Variants in DLST observed in about 807,000 individuals in gnomAD.
DLST encodes the protein dihydrolipoamide S-succinyltransferase, also known as dihydrolipoyllysine-residue succinyltransferase component of 2-oxoglutarate dehydrogenase complex, mitochondrial.
DLST carries 17 observed loss-of-function variants against 53.1 expected under a neutral mutation model. The ratio of observed to expected loss-of-function variants is 0.32; its 90% CI spans 0.22 to 0.48. The LOEUF (loss-of-function observed/expected upper bound fraction) is 0.48, where lower values mean the gene tolerates loss of function less well. Among genes scored for constraint, DLST ranks in the 20% least tolerant of loss-of-function variants. The pLI, the probability that DLST is intolerant of heterozygous loss-of-function variation, is 0.99. For synonymous variants in DLST, 206 were observed against 204.8 expected (o/e 1.01, Z -0.05); for missense variants, 512 against 583.9 (o/e 0.88, Z 1.27).
At chr14:74,900,847 C>T (rs528448945) in intron 13 of DLST, among the ~76,000 whole-genome samples, 1 of 152,274 alleles carries the variant, frequency 6.6e-6, no homozygotes, top group South Asian at 2.1e-4. Flanking sequence ...GCCTCAGCCT[C>T]CCAAGTAGCT....
intron 10 of DLST, among the ~76,000 whole-genome samples, chr14:74,895,861 A>T (rs1316749134): frequency 1.3e-5 from 2 of 152,076 alleles, no homozygotes; most frequent in African/African-American, 4.8e-5. Context: ...GCGCCACTGC[A>T]CTCCAGCCTG....
chr14:74,898,897 T>TTGAGGTCGACCTTTG (rs1298002611), intron 11 of DLST, among the ~76,000 whole-genome samples: 2 of 152,240 alleles, frequency 1.3e-5, no homozygotes, highest in African/African-American at 4.8e-5. Context: ...CCTTTGATCT[T>TTGAGGTCGACCTTTG]AGGTCGATGG....
chr14:74,885,553 G>A, intron 2 of DLST, 33 bp from the exon 3 acceptor site: 1 of 1,611,902 alleles, frequency 6.2e-7, no homozygotes, highest in Non-Finnish European at 8.5e-7. Flanking sequence ...TGAGATAAGA[G>A]TTGTTGGTTA....
At chr14:74,891,383 T>G in intron 7 of DLST, 1 of 1,264,902 alleles carries the variant, frequency 7.9e-7, no homozygotes, top group Middle Eastern at 3.1e-4. Context: ...TATACTCTGT[T>G]CTTTCCATGG....
chr14:74,888,986 C>G (rs1174714953), intron 3 of DLST, 109 bp from the exon 4 acceptor site: 1 of 1,099,534 alleles, frequency 9.1e-7, no homozygotes, highest in Non-Finnish European at 1.4e-6. Flanking sequence ...GATGGACACC[C>G]CTGGTCAAGA....
intron 9 of DLST, among the ~76,000 whole-genome samples, 176 bp from the exon 10 acceptor site, chr14:74,894,136 G>A (rs537372319): frequency 5.3e-5 from 8 of 152,174 alleles, no homozygotes; most frequent in Non-Finnish European, 1.2e-4. Flanking sequence ...GTGTTTGCAT[G>A]TTTTTGCTTG....
At chr14:74,891,581 C>A in intron 7 of DLST, 1 of 990,792 alleles carries the variant, frequency 1.0e-6, no homozygotes, top group Non-Finnish European at 1.2e-6. Context: ...ATGGGGAATT[C>A]AGTGTTGTTT....
At chr14:74,897,605 C>G (rs773837404) in intron 10 of DLST, among the ~76,000 whole-genome samples, 1 of 152,184 alleles carries the variant, frequency 6.6e-6, no homozygotes, top group African/African-American at 2.4e-5. Context: ...TTTCTAAATA[C>G]CAAGGAAATC....
chr14:74,882,104 C>A, intron 1 of DLST, 88 bp downstream of exon 1: 1 of 1,245,678 alleles, frequency 8.0e-7, no homozygotes, highest in South Asian at 2.0e-5. Context: ...CGCGGCGCGC[C>A]GGCCGGGCCG....
At chr14:74,897,822 T>C (rs1231035824) in intron 10 of DLST, among the ~76,000 whole-genome samples, 1 of 152,068 alleles carries the variant, frequency 6.6e-6, no homozygotes, top group South Asian at 2.1e-4. Flanking sequence ...CCCTGCAGAG[T>C]CATGACTGCT....
chr14:74,881,972 T>C lies in DLST; in HGVS notation c.19T>C (p.Cys7Arg). The C allele has an allele frequency of 2.5e-6, 4 of 1,571,168 alleles. No individual in the cohort carries two copies. Among genetic ancestry groups the C allele is most frequent in the Non-Finnish European group, 3.4e-6 (4 of 1,166,426 alleles). Residue 7 changes from cysteine (C) to arginine (R), a missense_variant, in exon 1 of 15, where the codon TGT (cysteine) becomes CGT (arginine). Transcript: ENST00000334220. ...CGCCGTGATGCTGTCCCGATCCCGC[T>C]GTGTGTCTCGGGCGTTCAGCCGCTC... MLSRSR[C>R]VSRAFSRSLS...
At position 74,882,582 on chromosome 14, in the gene DLST, T is replaced by C; in HGVS notation, c.64-9T>C. The C allele has an allele frequency of 6.2e-7, 1 of 1,613,848 alleles. No individual in the cohort carries two copies. Among genetic ancestry groups the C allele is most frequent in the Middle Eastern group, 1.7e-4 (1 of 5,934 alleles). On this transcript the variant is annotated splice_polypyrimidine_tract_variant and intron_variant, in intron 1 of 14. Coordinates refer to ENST00000334220, the MANE Select transcript of DLST (RefSeq NM_001933.5). ...TGGGTGACGTCGATAATGTCTTCTT[T>C]CTCAACAGGGGAACTGCCCTCTAGG...
intron 10 of DLST, among the ~76,000 whole-genome samples, chr14:74,895,460 T>G (rs1884047112): frequency 6.6e-6 from 1 of 152,200 alleles, no homozygotes; most frequent in Non-Finnish European, 1.5e-5. Context: ...ACTGTGGAAT[T>G]CAGTGGGGAT....
intron 9 of DLST, 21 bp from the exon 10 acceptor site, chr14:74,894,291 T>G (rs747570321): frequency 6.2e-7 from 1 of 1,613,596 alleles, no homozygotes; most frequent in South Asian, 1.1e-5. Flanking sequence ...TTGTCAATGC[T>G]TGTTCCACTC....
chr14:74,882,929 G>A (rs1883578751), intron 2 of DLST, among the ~76,000 whole-genome samples: 1 of 152,198 alleles, frequency 6.6e-6, no homozygotes, highest in South Asian at 2.1e-4. Context: ...AGCCAACAAA[G>A]GCAAATTTTT....
chr14:74,888,274 G>GT (rs55729619), intron 3 of DLST, among the ~76,000 whole-genome samples: 3,939 of 131,684 alleles, frequency 0.03, 158 homozygotes, highest in African/African-American at 0.088. Context: ...TTGTTTTTGG[G>GT]TTTTTTTTTT....
chr14:74,899,788 A>G, intron 11 of DLST, 135 bp from the exon 12 acceptor site: 2 of 642,720 alleles, frequency 3.1e-6, no homozygotes, highest in Non-Finnish European at 5.6e-6. Context: ...TGCATAATGC[A>G]GTGGTGTTCA....
In DLST at chr14:74,891,957, A is replaced by G. The variant is rs148232944; in HGVS notation, c.442+790A>G. The stretch of plus-strand genomic sequence containing the variant: ...TTGTCTTAGCACTAACCCTGGATAT[A>G]ATGTCCAGATGGGTGAAAAACAGAA... On this transcript the variant is annotated intron_variant, in intron 7 of 14. Transcript: ENST00000334220. 3.3e-3 allele frequency: 2,068 copies of G among 626,416 alleles called. 8 individuals are homozygous for G. The highest frequency in any genetic ancestry group is 5.5e-3 in the Middle Eastern group (7 of 1,262). The allele number at this position is 626,416 out of a possible 1,614,324, so 38.8% of individuals were successfully genotyped here.
chr14:74,888,230 A>G (rs531031715), intron 3 of DLST, among the ~76,000 whole-genome samples: 1 of 150,238 alleles, frequency 6.7e-6, no homozygotes, highest in East Asian at 2.0e-4. Flanking sequence ...AGAACCGAGT[A>G]GGAGATACCA....
Sources: gnomAD v4.1 joint callset for allele counts (sites outside exome capture counted in the v4.1 genomes callset) on GRCh38, gnomAD v4.1.1 for gene constraint, MANE v1.5 for transcripts, NCBI Gene and HGNC (gene_info 2026-07-23, HGNC 2026-07-21) for gene names.